Variants in UNC13C observed in about 807,000 individuals in gnomAD.
UNC13C encodes the protein protein unc-13 homolog C.
Under a neutral mutation model 245.4 loss-of-function variants are expected in UNC13C, and 174 were observed. The observed-to-expected ratio is 0.71, with a 90% CI of 0.63 to 0.80. The LOEUF is 0.80. UNC13C is among the 30% of genes least tolerant of loss of function. UNC13C has a pLI of 0.00. For synonymous variants in UNC13C, 992 were observed against 895.1 expected, an observed-to-expected ratio of 1.11 and a Z score of -1.93; for missense variants, 2,829 against 2,602.9, an observed-to-expected ratio of 1.09 and a Z score of -1.89.
intron 19 of UNC13C, among the ~76,000 whole-genome samples, chr15:54,447,149 T>C (rs1007796028): frequency 1.3e-5 from 2 of 152,188 alleles, no homozygotes; most frequent in African/African-American, 4.8e-5. Flanking sequence ...GCCCACTTGA[T>C]CATGGTGGAT....
chr15:54,402,563 A>G (rs996327000), intron 18 of UNC13C, among the ~76,000 whole-genome samples: 22 of 152,160 alleles, frequency 1.4e-4, no homozygotes, highest in Non-Finnish European at 3.2e-4. Context: ...TAAATATCAT[A>G]ATCATTATAT....
chr15:54,059,814 A>G lies in UNC13C; in HGVS notation c.2983+43928A>G, dbSNP rs1595787371. ...ACAGAGCCCTCAGAAATAATGCCTC[A>G]TATCTACAAGTATCTGATCTTTGAC... On this transcript the variant is annotated intron_variant, in intron 2 of 32. Transcript: ENST00000260323. 2.0e-5 allele frequency among the ~76,000 whole-genome samples: 3 copies of G among 152,232 alleles called. No homozygotes were observed. The South Asian group carries it at 6.2e-4, about 31-fold the overall frequency.
upstream of UNC13C, among the ~76,000 whole-genome samples, chr15:53,973,391 A>G (rs1176622739): frequency 1.3e-5 from 2 of 152,268 alleles, no homozygotes; most frequent in East Asian, 3.9e-4. Context: ...ATTCATCAGC[A>G]AGAGTATAAA....
chr15:54,393,491 A>G (rs538846482), intron 18 of UNC13C, among the ~76,000 whole-genome samples: 65 of 151,994 alleles, frequency 4.3e-4, no homozygotes, highest in Non-Finnish European at 8.4e-4. Flanking sequence ...AAAAAAATGT[A>G]CACTCCCCCA....
the UNC13C span, among the ~76,000 whole-genome samples, chr15:53,901,029 A>C: frequency 1.8e-4 from 27 of 152,236 alleles, no homozygotes; most frequent in African/African-American, 5.8e-4. Context: ...AAAATGTGGA[A>C]AATACTCAAA....
the UNC13C span, among the ~76,000 whole-genome samples, chr15:53,853,185 C>A: frequency 6.6e-6 from 1 of 152,134 alleles, no homozygotes; most frequent in African/African-American, 2.4e-5. Context: ...TCACCCCCAA[C>A]TGCAATAGGC....
chr15:53,913,921 T>C, the UNC13C span: 4 of 152,226 alleles, frequency 2.6e-5, no homozygotes, highest in Non-Finnish European at 5.9e-5. Context: ...GTAGGCAAAG[T>C]AGCTAATGAG....
At chr15:54,092,627 T>G (rs1181930419) in intron 2 of UNC13C, among the ~76,000 whole-genome samples, 1 of 152,188 alleles carries the variant, frequency 6.6e-6, no homozygotes, top group Non-Finnish European at 1.5e-5. Flanking sequence ...TTGCTAGTGA[T>G]GCAAATAGTT....
At chr15:54,336,300 A>G (rs190261650) in intron 16 of UNC13C, among the ~76,000 whole-genome samples, 1 of 152,222 alleles carries the variant, frequency 6.6e-6, no homozygotes, top group East Asian at 1.9e-4. Context: ...TGAGGAGAAT[A>G]TCTAAAATCT....
At chr15:54,303,625 CT>C (rs55751740) in intron 13 of UNC13C, among the ~76,000 whole-genome samples, 89,001 of 142,426 alleles carry the variant, frequency 0.62, 27,702 homozygotes, top group South Asian at 0.8. Flanking sequence ...AAGTATTTTT[CT>C]TTTTTTTTTT....
rs532658962 is a variant in UNC13C at position 54,014,861 on chromosome 15, A to C, written c.1958A>C (p.Asp653Ala). The change falls in exon 2 of 33, where the codon GAT becomes GCT. Residue 653 changes from aspartate to alanine, a missense_variant. Physicochemically the swap from Asp to Ala is moderately radical, Grantham distance 126. Coordinates refer to ENST00000260323, the MANE Select transcript of UNC13C (RefSeq NM_001080534.3). ...YSDSQLSLHE[D>A]LSPWKEWNQG... is the part of the protein sequence containing the mutation. ...GATTCTCAGCTCTCTTTACATGAGG[A>C]TCTTTCTCCATGGAAGGAATGGAAT... 5.0e-6 allele frequency: 8 copies of C among 1,613,922 alleles called. No homozygotes were observed. The Admixed American group carries it at 1.3e-4, about 27-fold the overall frequency.
chr15:54,016,384 AG>A (rs1234048535), intron 2 of UNC13C, among the ~76,000 whole-genome samples: 1 of 152,226 alleles, frequency 6.6e-6, no homozygotes, highest in Non-Finnish European at 1.5e-5. Flanking sequence ...GGTTGCCCAT[AG>A]GAAAAGTTGT....
At chr15:53,945,889 T>C in the UNC13C span, among the ~76,000 whole-genome samples, 1 of 152,156 alleles carries the variant, frequency 6.6e-6, no homozygotes, top group Non-Finnish European at 1.5e-5. Flanking sequence ...GTATGGAATG[T>C]TTTTCCATTT....
chr15:54,431,785 T>C (rs780340788), intron 19 of UNC13C, among the ~76,000 whole-genome samples: 2 of 151,666 alleles, frequency 1.3e-5, no homozygotes, highest in Admixed American at 6.6e-5. Flanking sequence ...AGGTATCAGA[T>C]AGTCATTCTT....
At chr15:53,872,444 A>G in the UNC13C span, among the ~76,000 whole-genome samples, 1 of 152,130 alleles carries the variant, frequency 6.6e-6, no homozygotes, top group Admixed American at 6.6e-5. Context: ...CTCAAGTTAG[A>G]ATTATCCTTT....
At chr15:54,495,166 TA>T (rs1379772906) in intron 20 of UNC13C, among the ~76,000 whole-genome samples, 1 of 152,048 alleles carries the variant, frequency 6.6e-6, no homozygotes, top group African/African-American at 2.4e-5. Context: ...AACTTTCTCA[TA>T]AATATGCCTC....
chr15:54,608,807 C>A (rs1467035827), intron 30 of UNC13C, among the ~76,000 whole-genome samples: 1 of 152,154 alleles, frequency 6.6e-6, no homozygotes, highest in Non-Finnish European at 1.5e-5. Flanking sequence ...AAATGTTATT[C>A]ATTCTGTTCA....
chr15:54,551,164 C>G (rs545930889), intron 28 of UNC13C, among the ~76,000 whole-genome samples: 22 of 152,258 alleles, frequency 1.4e-4, no homozygotes, highest in African/African-American at 4.8e-4. Flanking sequence ...CTCACTGCCT[C>G]TCAACTCTGC....
intron 4 of UNC13C, among the ~76,000 whole-genome samples, chr15:54,178,067 C>T (rs2033675236): frequency 6.6e-6 from 1 of 151,910 alleles, no homozygotes; most frequent in South Asian, 2.1e-4. Context: ...TTCCCTTTAA[C>T]TTCTATCATA....
Sources: allele counts gnomAD v4.1 joint callset (sites outside exome capture counted in the v4.1 genomes callset), GRCh38; gene constraint gnomAD v4.1.1; transcripts MANE v1.5; gene names NCBI Gene and HGNC (gene_info 2026-07-23, HGNC 2026-07-21).